MBTPS1: variants seen among roughly 807,000 people sequenced by gnomAD.
MBTPS1 encodes membrane-bound transcription factor site-1 protease.
A neutral mutation model predicts 127.8 loss-of-function variants in MBTPS1; 94 were observed. That is an observed-to-expected ratio of 0.74 (90% CI 0.62 to 0.87). MBTPS1 has a LOEUF of 0.87. Ranked by LOEUF, MBTPS1 falls within the 40% of genes least tolerant of loss-of-function variation. The probability of loss-of-function intolerance (pLI) is 0.00; values close to 1 mark genes in which losing one functional copy is unlikely to be tolerated. For missense variants in MBTPS1, 1,636 were observed against 1,353.2 expected (o/e 1.21, Z -3.28); for synonymous variants, 632 against 509.4 (o/e 1.24, Z -3.24).
chr16:84,080,326 T>A (rs753995039), intron 11 of MBTPS1, among the ~76,000 whole-genome samples: 1 of 152,200 alleles, frequency 6.6e-6, no homozygotes, highest in Non-Finnish European at 1.5e-5. Context: ...CGTGTCAAAG[T>A]TGTCAGGAGT....
intron 1 of MBTPS1, among the ~76,000 whole-genome samples, chr16:84,113,807 C>G (rs187778255): frequency 2.6e-4 from 39 of 152,270 alleles, no homozygotes; most frequent in African/African-American, 8.7e-4. Context: ...GTTTAGACCA[C>G]GAAAGGTTAC....
chr16:84,082,183 T>G, intron 10 of MBTPS1: 1 of 224,060 alleles, frequency 4.5e-6, no homozygotes, highest in Non-Finnish European at 8.7e-6. Context: ...AACAACCACA[T>G]AGGCTGCAGA....
intron 12 of MBTPS1, among the ~76,000 whole-genome samples, chr16:84,071,209 A>C (rs1217079314): frequency 6.6e-6 from 1 of 152,254 alleles, no homozygotes; most frequent in African/African-American, 2.4e-5. Flanking sequence ...GTCCCGAGTC[A>C]CATTCTGAAG....
intron 3 of MBTPS1, among the ~76,000 whole-genome samples, chr16:84,098,056 G>C (rs528370747): frequency 5.9e-5 from 9 of 152,102 alleles, no homozygotes; most frequent in African/African-American, 1.9e-4. Flanking sequence ...TTTTCCTTTG[G>C]TAACACATAT....
intron 17 of MBTPS1, 139 bp from the exon 18 acceptor site, chr16:84,065,906 C>T (rs1334412057): frequency 1.9e-6 from 1 of 529,918 alleles, no homozygotes. Context: ...GGAGGAGCTG[C>T]TATTGCCTTG....
chr16:84,068,845 G>A (rs894278773), intron 14 of MBTPS1, among the ~76,000 whole-genome samples: 26 of 152,354 alleles, frequency 1.7e-4, no homozygotes, highest in African/African-American at 6.3e-4. Flanking sequence ...AGCCACGCAG[G>A]GCCACGGTGC....
At chr16:84,061,899 G>C (rs138710978) in intron 19 of MBTPS1, among the ~76,000 whole-genome samples, 3 of 152,230 alleles carry the variant, frequency 2.0e-5, no homozygotes, top group African/African-American at 7.2e-5. Flanking sequence ...ATGCCATTAA[G>C]TACTTTCCTC....
intron 12 of MBTPS1, among the ~76,000 whole-genome samples, chr16:84,073,342 C>G (rs1472636216): frequency 6.6e-6 from 1 of 152,092 alleles, no homozygotes; most frequent in Non-Finnish European, 1.5e-5. Context: ...CCATGTTTGC[C>G]AGGATGGTCT....
chr16:84,096,729 A>C (rs1312847769), intron 3 of MBTPS1, among the ~76,000 whole-genome samples: 1 of 152,232 alleles, frequency 6.6e-6, no homozygotes, highest in Non-Finnish European at 1.5e-5. Flanking sequence ...CAGTCACGTC[A>C]ATTCTGGTAA....
In MBTPS1 at chr16:84,101,663, G is replaced by C; in HGVS notation, c.121C>G (p.Leu41Val). 1 of 1,614,066 alleles carries C rather than the reference G, an allele frequency of 6.2e-7. No individual in the cohort carries two copies. Among genetic ancestry groups the C allele is most frequent in the Non-Finnish European group, 8.5e-7 (1 of 1,179,982 alleles). ...EKAPCPGCSH[L>V]TLKVEFSSTV... ...GATGAGAATTCCACCTTCAAAGTCA[G>C]GTGGGAACAGCCAGGGCATGGGGCC... The change falls in exon 2 of 23, where the codon CTG (leucine) becomes GTG (valine). Residue 41 changes from leucine to valine, a missense_variant. Transcript: ENST00000343411.
At chr16:84,074,546 T>C (rs1366719578) in intron 12 of MBTPS1, 51 bp downstream of exon 12, 9 of 1,587,466 alleles carry the variant, frequency 5.7e-6, no homozygotes, top group Non-Finnish European at 7.8e-6. Flanking sequence ...AGGTCTGGGC[T>C]GTGTCTAAGT....
intron 1 of MBTPS1, among the ~76,000 whole-genome samples, chr16:84,113,640 T>G (rs566651393): frequency 1.3e-4 from 20 of 152,368 alleles, no homozygotes; most frequent in African/African-American, 4.3e-4. Context: ...TGGGCATAAC[T>G]AAAATACATC....
chr16:84,111,006 G>A (rs2086389500), intron 1 of MBTPS1, among the ~76,000 whole-genome samples: 1 of 152,190 alleles, frequency 6.6e-6, no homozygotes, highest in African/African-American at 2.4e-5. Flanking sequence ...AATTTCAAAT[G>A]CTCCTCCTGC....
chr16:84,090,998 T>TAAA, intron 7 of MBTPS1, 56 bp from the exon 8 acceptor site: 1 of 785,254 alleles, frequency 1.3e-6, no homozygotes, highest in Non-Finnish European at 1.9e-6. Context: ...CATATAACTG[T>TAAA]CAAAAAAAAA....
chr16:84,115,107 T>G (rs1205834932), intron 1 of MBTPS1, among the ~76,000 whole-genome samples: 1 of 152,050 alleles, frequency 6.6e-6, no homozygotes, highest in Admixed American at 6.5e-5. Context: ...TTTTGTATTT[T>G]CAGTAGAGAC....
chr16:84,116,235 G>A (rs1404612769), intron 1 of MBTPS1, among the ~76,000 whole-genome samples: 1 of 152,218 alleles, frequency 6.6e-6, no homozygotes, highest in African/African-American at 2.4e-5. Flanking sequence ...GTCTTAGGTA[G>A]CGCAACCATG....
chr16:84,080,585 C>T (rs575437764), intron 11 of MBTPS1, among the ~76,000 whole-genome samples: 1 of 152,366 alleles, frequency 6.6e-6, no homozygotes, highest in Admixed American at 6.5e-5. Flanking sequence ...CACGTCTGTG[C>T]CAAGGCCACG....
At chr16:84,112,661 C>CAAA (rs67005277) in intron 1 of MBTPS1, among the ~76,000 whole-genome samples, 15 of 92,500 alleles carry the variant, frequency 1.6e-4, no homozygotes, top group South Asian at 3.2e-4. Flanking sequence ...GACTCGGTCT[C>CAAA]AAAAAAAACA....
chr16:84,068,837 C>T (rs1048924067), intron 14 of MBTPS1, among the ~76,000 whole-genome samples: 1 of 152,238 alleles, frequency 6.6e-6, no homozygotes, highest in Non-Finnish European at 1.5e-5. Context: ...CTGGAACAAG[C>T]CACGCAGGGC....
Sources: allele counts gnomAD v4.1 joint callset (sites outside exome capture counted in the v4.1 genomes callset), GRCh38; gene constraint gnomAD v4.1.1; transcripts MANE v1.5; gene names NCBI Gene and HGNC (gene_info 2026-07-23, HGNC 2026-07-21).